MANF: variants seen among roughly 807,000 people sequenced by gnomAD.
MANF encodes mesencephalic astrocyte-derived neurotrophic factor.
In MANF, 9 loss-of-function variants were observed where a neutral mutation model predicts 19.1. That is an observed-to-expected ratio of 0.47 (90% CI 0.28 to 0.82). The LOEUF (loss-of-function observed/expected upper bound fraction) is 0.82, where lower values mean the gene tolerates loss of function less well. Among genes scored for constraint, MANF ranks in the 40% least tolerant of loss-of-function variants. MANF has a pLI of 0.10. For synonymous variants in MANF, 89 were observed against 88.0 expected, an observed-to-expected ratio of 1.01 and a Z score of -0.06; for missense variants, 225 against 226.7, an observed-to-expected ratio of 0.99 and a Z score of 0.05.
chr3:51,385,469 T>C, intron 1 of MANF, 33 bp downstream of exon 1: 1 of 1,036,650 alleles, frequency 9.6e-7, no homozygotes, highest in Non-Finnish European at 1.2e-6. Flanking sequence ...CCGCGCTCCG[T>C]GACCGTTCTG....
In MANF at chr3:51,389,249, C is replaced by G. The variant is rs886525849; in HGVS notation, c.*160C>G. ...GATGATGCTGGCCCTACAGTACCCC[C>G]ATGAGGGGATTCCCTTCCTTCTGTT... On this transcript the variant is annotated 3_prime_UTR_variant, in exon 4 of 4. Coordinates refer to ENST00000528157, the MANE Select transcript of MANF (RefSeq NM_006010.6). The G allele has an allele frequency of 6.7e-6, 4 of 595,896 alleles. No homozygotes were observed. Among genetic ancestry groups the G allele is most frequent in the East Asian group, 6.1e-5 (2 of 32,548 alleles). 36.9% of individuals were successfully genotyped at this position (595,896 alleles called of 1,614,324 possible).
At position 51,388,918 on chromosome 3, in the gene MANF, C is replaced by T. The variant is rs782069438; in HGVS notation, c.378C>T (p.Asp126=). ...ICELKYDKQI[D]LSTVDLKKLR... Reference sequence around the variant, plus strand: ...TCTCTCCTCCAGACAAGCAGATCGACCTGAGCACAGTGGACCTGAAGAAGC... The same window carrying T: ...TCTCTCCTCCAGACAAGCAGATCGATCTGAGCACAGTGGACCTGAAGAAGC... Residue 126 remains aspartate, a synonymous_variant, in exon 4 of 4, where the codon GAC becomes GAT. Transcript: ENST00000528157. 1.0e-5 allele frequency: 16 copies of T among 1,576,648 alleles called. No homozygotes were observed. Among genetic ancestry groups the T allele is most frequent in the Non-Finnish European group, 1.4e-5 (16 of 1,161,140 alleles).
rs1559453725 is a variant in MANF at position 51,388,926 on chromosome 3, C to G, written c.386C>G (p.Thr129Arg). Residue 129 changes from threonine (T) to arginine (R), a missense_variant, in exon 4 of 4, where the codon ACA becomes AGA. Thr to Arg is a moderately conservative substitution (Grantham distance 71, BLOSUM62 -1). Coordinates refer to ENST00000528157, the MANE Select transcript of MANF (RefSeq NM_006010.6). ...CCAGACAAGCAGATCGACCTGAGCA[C>G]AGTGGACCTGAAGAAGCTCCGAGTT... is the stretch of plus-strand genomic sequence containing the variant. Reference protein sequence around the residue: ...LKYDKQIDLSTVDLKKLRVKE... With the variant: ...LKYDKQIDLSRVDLKKLRVKE... The G allele has an allele frequency of 1.3e-6, 2 of 1,582,302 alleles. No individual in the cohort carries two copies. The highest frequency in any genetic ancestry group is 1.7e-4 in the Middle Eastern group (1 of 6,018).
chr3:51,388,757 T>C (rs979179997), intron 3 of MANF, 148 bp from the exon 4 acceptor site: 33 of 605,892 alleles, frequency 5.4e-5, no homozygotes, highest in Middle Eastern at 8.8e-4. Context: ...CAGTAGGCAC[T>C]GACATGCCTG....
intron 2 of MANF, 52 bp from the exon 3 acceptor site, chr3:51,387,682 TGGA>T: frequency 5.1e-6 from 8 of 1,554,948 alleles, no homozygotes; most frequent in Non-Finnish European, 6.2e-6. Context: ...TCAGTATGTT[TGGA>T]GGAGATGGCT....
At chr3:51,385,982 T>C in intron 1 of MANF, 2 of 556,330 alleles carry the variant, frequency 3.6e-6, no homozygotes, top group East Asian at 3.1e-5. Context: ...TTATAGGTCA[T>C]TGGGTGATGC....
chr3:51,388,025 A>C, intron 3 of MANF, 147 bp downstream of exon 3: 2 of 778,396 alleles, frequency 2.6e-6, no homozygotes, highest in Middle Eastern at 2.4e-4. Context: ...CTGGCATGGA[A>C]GTGGGTGGAG....
intron 2 of MANF, among the ~76,000 whole-genome samples, chr3:51,386,598 AC>A (rs1553620938): frequency 1.3e-5 from 2 of 152,254 alleles, no homozygotes; most frequent in Non-Finnish European, 2.9e-5. Context: ...GAAAGAAGTG[AC>A]AGTCGGACAC....
chr3:51,385,496 C>G (rs2088938365), intron 1 of MANF, 60 bp downstream of exon 1: 8 of 1,029,180 alleles, frequency 7.8e-6, no homozygotes, highest in South Asian at 4.9e-5. Context: ...GCGCTGAACC[C>G]CACAACATCA....
chr3:51,387,611 G>A, intron 2 of MANF, 126 bp from the exon 3 acceptor site: 1 of 852,768 alleles, frequency 1.2e-6, no homozygotes, highest in South Asian at 1.7e-5. Context: ...CAGCCTGGGT[G>A]ACAGGGAGCC....
chr3:51,389,153 C>T lies in MANF; in HGVS notation c.*64C>T. ...GTTCAACTGCTTACTCCCAAAACAGCCTTTTTGTAATTTATTTTTTAAGTG... is the reference window on the plus strand; with the variant it reads ...GTTCAACTGCTTACTCCCAAAACAGTCTTTTTGTAATTTATTTTTTAAGTG... On this transcript the variant is annotated 3_prime_UTR_variant, in exon 4 of 4. Transcript: ENST00000528157. The T allele has an allele frequency of 6.9e-7, 1 of 1,446,626 alleles. No homozygotes were observed. The highest frequency in any genetic ancestry group is 9.4e-7 in the Non-Finnish European group (1 of 1,062,020). The allele number at this position is 1,446,626 out of a possible 1,614,324, so 89.6% of individuals were successfully genotyped here. A position where few individuals can be genotyped will look rare whatever the true frequency, so the allele number is the denominator to read the frequency against.
At position 51,389,234 on chromosome 3, in the gene MANF, G is replaced by C. The variant is rs1249972825; in HGVS notation, c.*145G>C. The C allele has an allele frequency of 1.5e-6, 1 of 664,744 alleles. No homozygotes were observed. The highest frequency in any genetic ancestry group is 1.8e-5 in the African/African-American group (1 of 54,538). 41.2% of individuals were successfully genotyped at this position (664,744 alleles called of 1,614,324 possible). A position where few individuals can be genotyped will look rare whatever the true frequency, so the allele number is the denominator to read the frequency against. ...GCCTGGAGCTTTCCTGATGATGCTG[G>C]CCCTACAGTACCCCCATGAGGGGAT... is the stretch of plus-strand genomic sequence containing the variant. On this transcript the variant is annotated 3_prime_UTR_variant, in exon 4 of 4. Coordinates refer to ENST00000528157, the MANE Select transcript of MANF (RefSeq NM_006010.6).
intron 1 of MANF, 38 bp downstream of exon 1, chr3:51,385,474 G>A (rs1398831346): frequency 3.4e-6 from 4 of 1,176,500 alleles, no homozygotes; most frequent in Non-Finnish European, 4.2e-6. Flanking sequence ...CTCCGTGACC[G>A]TTCTGGCGGC....
At position 51,387,745 on chromosome 3, in the gene MANF, T is replaced by C. The variant is rs1553621051; in HGVS notation, c.231T>C (p.Tyr77=). The change falls in exon 3 of 4, where the codon TAT becomes TAC. Residue 77 remains tyrosine, a synonymous_variant. Coordinates refer to ENST00000528157, the MANE Select transcript of MANF (RefSeq NM_006010.6). ...ARGKENRLCY[Y]IGATDDAATK... ...GTCCTTTATTGCTCCAGTGCTACTA[T>C]ATCGGGGCCACAGATGATGCAGCCA... The C allele has an allele frequency of 3.7e-6, 6 of 1,611,598 alleles. No individual in the cohort carries two copies. Among genetic ancestry groups the C allele is most frequent in the South Asian group, 1.1e-5 (1 of 90,538 alleles).
At chr3:51,387,190 C>G (rs1429735056) in intron 2 of MANF, 1 of 319,988 alleles carries the variant, frequency 3.1e-6, no homozygotes, top group Non-Finnish European at 6.2e-6. Flanking sequence ...CGTGGTGGCT[C>G]ACACCTGTAA....
At chr3:51,387,490 C>T (rs1553621027) in intron 2 of MANF, among the ~76,000 whole-genome samples, 1 of 151,414 alleles carries the variant, frequency 6.6e-6, no homozygotes, top group East Asian at 1.9e-4. Flanking sequence ...TTTTAGTTAG[C>T]TGGGTGTGGT....
chr3:51,387,649 C>A, intron 2 of MANF, 88 bp from the exon 3 acceptor site: 1 of 1,311,132 alleles, frequency 7.6e-7, no homozygotes, highest in Non-Finnish European at 1.1e-6. Context: ...TAAGGCCCTA[C>A]AGAGAGATGA....
chr3:51,389,325 A>G lies in MANF; in HGVS notation c.*236A>G. ...TGTGTCTGGGATTTTTTTATTAAAGAAAAAAAATTTCTAGCTGTCCTTGCA... is the reference window on the plus strand; with the variant it reads ...TGTGTCTGGGATTTTTTTATTAAAGGAAAAAAATTTCTAGCTGTCCTTGCA... On this transcript the variant is annotated 3_prime_UTR_variant, in exon 4 of 4. Coordinates refer to ENST00000528157, the MANE Select transcript of MANF (RefSeq NM_006010.6). The G allele has an allele frequency of 4.5e-6, 2 of 444,248 alleles. No homozygotes were observed. The highest frequency in any genetic ancestry group is 7.9e-6 in the Non-Finnish European group (2 of 254,504). 27.5% of individuals were successfully genotyped at this position (444,248 alleles called of 1,614,324 possible). A position where few individuals can be genotyped will look rare whatever the true frequency, so the allele number is the denominator to read the frequency against.
chr3:51,387,717 A>G lies in MANF; in HGVS notation c.223-20A>G. ...GGCTCTCAAGCACCTCCTGAAGGCC[A>G]TTGTCCTTTATTGCTCCAGTGCTAC... On this transcript the variant is annotated intron_variant, in intron 2 of 3. Coordinates refer to ENST00000528157, the MANE Select transcript of MANF (RefSeq NM_006010.6). 3 of 1,607,556 alleles carry G rather than the reference A, an allele frequency of 1.9e-6. No individual in the cohort carries two copies. Among genetic ancestry groups the G allele is most frequent in the Non-Finnish European group, 2.5e-6 (3 of 1,176,508 alleles).
Sources: allele counts gnomAD v4.1 joint callset (sites outside exome capture counted in the v4.1 genomes callset), GRCh38; gene constraint gnomAD v4.1.1; transcripts MANE v1.5; gene names NCBI Gene and HGNC (gene_info 2026-07-23, HGNC 2026-07-21).